Variants in SGCD observed in about 807,000 individuals in gnomAD.
SGCD encodes sarcoglycan delta, also known as delta-sarcoglycan.
In SGCD, 18 loss-of-function variants were observed where a neutral mutation model predicts 36.6. That is an observed-to-expected ratio of 0.49 (90% CI 0.34 to 0.73). SGCD has a LOEUF of 0.73. Among genes scored for constraint, SGCD ranks in the 30% least tolerant of loss-of-function variants. The pLI is 0.01. For synonymous variants in SGCD, 133 were observed against 130.6 expected, an observed-to-expected ratio of 1.02 and a Z score of -0.12; for missense variants, 387 against 346.7, an observed-to-expected ratio of 1.12 and a Z score of -0.92.
chr5:156,202,395 T>C (rs1477894436), intron 3 of SGCD, among the ~76,000 whole-genome samples: 1 of 152,204 alleles, frequency 6.6e-6, no homozygotes, highest in Non-Finnish European at 1.5e-5. Context: ...ATATGGCCTC[T>C]GATTAAATGG....
intron 3 of SGCD, among the ~76,000 whole-genome samples, chr5:156,288,706 T>A (rs965280763): frequency 6.6e-6 from 1 of 152,146 alleles, no homozygotes; most frequent in Non-Finnish European, 1.5e-5. Flanking sequence ...TAAACATGTC[T>A]TTAGTTCAAT....
At chr5:156,394,106 G>T (rs1771728531) in intron 3 of SGCD, among the ~76,000 whole-genome samples, 1 of 152,214 alleles carries the variant, frequency 6.6e-6, no homozygotes, top group Admixed American at 6.5e-5. Context: ...TAGGAACTGA[G>T]CAGAATGTAT....
intron 1 of SGCD, among the ~76,000 whole-genome samples, chr5:155,880,505 C>T (rs566808702): frequency 6.6e-6 from 1 of 152,170 alleles, no homozygotes; most frequent in Non-Finnish European, 1.5e-5. Context: ...CATACATCTC[C>T]CCTGGTGTCT....
At chr5:156,153,620 G>A (rs1252611692) in intron 3 of SGCD, among the ~76,000 whole-genome samples, 3 of 151,548 alleles carry the variant, frequency 2.0e-5, no homozygotes, top group African/African-American at 7.3e-5. Context: ...ATATACCAAA[G>A]GGTAAGAAGA....
the SGCD span, among the ~76,000 whole-genome samples, chr5:155,805,394 A>G: frequency 6.6e-6 from 1 of 152,258 alleles, no homozygotes; most frequent in African/African-American, 2.4e-5. Flanking sequence ...TGAAAAGTGA[A>G]GGGATTGCCT....
chr5:156,444,128 C>CTCTCTCTCTCCTTCCCTT (rs1248885382), intron 3 of SGCD, among the ~76,000 whole-genome samples: 7 of 126,872 alleles, frequency 5.5e-5, no homozygotes, highest in African/African-American at 1.1e-4. Flanking sequence ...CCTTCCCTCT[C>CTCTCTCTCTCCTTCCCTT]TCTCTCTCTC....
intron 3 of SGCD, among the ~76,000 whole-genome samples, chr5:156,237,895 AT>A (rs1185437285): frequency 6.6e-6 from 1 of 152,180 alleles, no homozygotes; most frequent in Non-Finnish European, 1.5e-5. Context: ...AATAGGGAAA[AT>A]AAGAAACAAT....
intron 3 of SGCD, among the ~76,000 whole-genome samples, chr5:156,144,873 C>A (rs1762674164): frequency 6.6e-6 from 1 of 152,162 alleles, no homozygotes; most frequent in Non-Finnish European, 1.5e-5. Flanking sequence ...ATTTTACAGT[C>A]TCATAGGCAG....
At chr5:156,615,591 G>A (rs1244597619) in intron 6 of SGCD, among the ~76,000 whole-genome samples, 2 of 152,118 alleles carry the variant, frequency 1.3e-5, no homozygotes, top group East Asian at 3.8e-4. Context: ...AGTGTTCTTA[G>A]TGATGTTCAC....
At chr5:156,424,771 G>A (rs1239366745) in intron 3 of SGCD, among the ~76,000 whole-genome samples, 1 of 152,036 alleles carries the variant, frequency 6.6e-6, no homozygotes, top group Non-Finnish European at 1.5e-5. Context: ...AATCAGCAGA[G>A]GAAAAAGGTG....
chr5:156,035,872 A>G (rs1238993467), intron 1 of SGCD, among the ~76,000 whole-genome samples: 1 of 152,210 alleles, frequency 6.6e-6, no homozygotes, highest in East Asian at 1.9e-4. Context: ...AAGTATCAAA[A>G]TGGTGTTTAG....
intron 7 of SGCD, among the ~76,000 whole-genome samples, chr5:156,743,243 C>G (rs549327253): frequency 6.6e-6 from 1 of 152,008 alleles, no homozygotes; most frequent in Non-Finnish European, 1.5e-5. Context: ...TCCCCAGTAG[C>G]TGGGATTACA....
intron 3 of SGCD, among the ~76,000 whole-genome samples, chr5:156,471,592 G>T (rs918573847): frequency 1.3e-5 from 2 of 152,028 alleles, no homozygotes; most frequent in Non-Finnish European, 2.9e-5. Flanking sequence ...GTAGGAAAAA[G>T]AAATTTATTT....
At chr5:155,761,973 G>T in the SGCD span, among the ~76,000 whole-genome samples, 2 of 152,126 alleles carry the variant, frequency 1.3e-5, no homozygotes, top group African/African-American at 4.8e-5. Flanking sequence ...ACTATTTCAT[G>T]CTATTCTGTA....
At chr5:156,683,533 T>C (rs2113688405) in intron 7 of SGCD, among the ~76,000 whole-genome samples, 1 of 152,372 alleles carries the variant, frequency 6.6e-6, no homozygotes, top group South Asian at 2.1e-4. Flanking sequence ...TGCTGAGTTA[T>C]AGAAATTCTT....
At chr5:156,122,816 G>C (rs572524278) in intron 2 of SGCD, among the ~76,000 whole-genome samples, 1 of 112,158 alleles carries the variant, frequency 8.9e-6, no homozygotes, top group South Asian at 3.2e-4. Context: ...ATGATGTCTT[G>C]CACCAGCATG....
intron 1 of SGCD, among the ~76,000 whole-genome samples, chr5:156,031,981 G>A (rs1479493875): frequency 1.3e-5 from 2 of 151,362 alleles, no homozygotes; most frequent in African/African-American, 4.9e-5. Flanking sequence ...AGATGATATA[G>A]ATAGATAATC....
chr5:156,539,979 G>A (rs569188297), intron 4 of SGCD, among the ~76,000 whole-genome samples: 26 of 152,218 alleles, frequency 1.7e-4, no homozygotes, highest in Non-Finnish European at 3.4e-4. Context: ...AACCTTCTGA[G>A]CACCATACAG....
At chr5:156,293,341 T>G (rs1766809911) in intron 3 of SGCD, among the ~76,000 whole-genome samples, 1 of 152,170 alleles carries the variant, frequency 6.6e-6, no homozygotes, top group African/African-American at 2.4e-5. Flanking sequence ...TTTCTTGCCT[T>G]TTTAAAATTT....
Sources: gnomAD v4.1 joint callset for allele counts (sites outside exome capture counted in the v4.1 genomes callset) on GRCh38, gnomAD v4.1.1 for gene constraint, MANE v1.5 for transcripts, NCBI Gene and HGNC (gene_info 2026-07-23, HGNC 2026-07-21) for gene names.